SLC35F4: variants seen among roughly 807,000 people sequenced by gnomAD.
SLC35F4 encodes the protein chromosome 14 open reading frame 36.
In SLC35F4, 24 loss-of-function variants were observed where a neutral mutation model predicts 44.2. The ratio of observed to expected loss-of-function variants is 0.54; its 90% CI spans 0.39 to 0.76. SLC35F4 has a LOEUF of 0.76. SLC35F4 is among the 30% of genes least tolerant of loss of function. The probability of loss-of-function intolerance (pLI) is 0.00; values close to 1 mark genes in which losing one functional copy is unlikely to be tolerated. For synonymous variants in SLC35F4, 238 were observed against 223.6 expected (o/e 1.06, Z -0.57); for missense variants, 562 against 586.1 (o/e 0.96, Z 0.42).
intron 1 of SLC35F4, among the ~76,000 whole-genome samples, chr14:57,955,216 G>GA (rs1006547818): frequency 6.6e-6 from 1 of 152,124 alleles, no homozygotes; most frequent in Non-Finnish European, 1.5e-5. Flanking sequence ...AGTAGATGCA[G>GA]AAAAGGTCTT....
At chr14:57,820,924 A>AG (rs1883110553) in intron 1 of SLC35F4, among the ~76,000 whole-genome samples, 1 of 152,270 alleles carries the variant, frequency 6.6e-6, no homozygotes, top group South Asian at 2.1e-4. Context: ...TAACAAAAAG[A>AG]GAAAGCTTGC....
At chr14:57,656,011 T>A (rs1027762155) in intron 1 of SLC35F4, among the ~76,000 whole-genome samples, 1 of 151,894 alleles carries the variant, frequency 6.6e-6, no homozygotes, top group Non-Finnish European at 1.5e-5. Context: ...GCTGCCAGGA[T>A]CACAAGGCTG....
At chr14:57,634,948 G>A (rs941826960) in intron 1 of SLC35F4, among the ~76,000 whole-genome samples, 2 of 152,082 alleles carry the variant, frequency 1.3e-5, no homozygotes, top group East Asian at 1.9e-4. Flanking sequence ...GGTAGAAGAT[G>A]AGTGATCAAA....
chr14:57,752,889 A>G (rs2076917912), intron 1 of SLC35F4, among the ~76,000 whole-genome samples: 1 of 152,224 alleles, frequency 6.6e-6, no homozygotes, highest in African/African-American at 2.4e-5. Flanking sequence ...TTGCTACAGC[A>G]GAAGCAGGAG....
intron 1 of SLC35F4, among the ~76,000 whole-genome samples, chr14:57,966,965 G>A (rs984772709): frequency 6.6e-6 from 1 of 151,826 alleles, no homozygotes; most frequent in African/African-American, 2.4e-5. Context: ...AACTGAGATT[G>A]CGCCTCTGCG....
intron 1 of SLC35F4, among the ~76,000 whole-genome samples, chr14:57,620,631 C>T (rs1388796991): frequency 2.0e-5 from 3 of 152,112 alleles, no homozygotes; most frequent in Non-Finnish European, 4.4e-5. Flanking sequence ...CCAGTTTTTG[C>T]CCATTCAGTA....
intron 1 of SLC35F4, among the ~76,000 whole-genome samples, chr14:57,784,654 G>A (rs1360811990): frequency 3.3e-5 from 5 of 152,152 alleles, no homozygotes; most frequent in Non-Finnish European, 7.3e-5. Flanking sequence ...TCTAGCCTGG[G>A]TAACAGAGAC....
chr14:57,943,545 T>C (rs1254468720), intron 1 of SLC35F4, among the ~76,000 whole-genome samples: 1 of 152,202 alleles, frequency 6.6e-6, no homozygotes, highest in Non-Finnish European at 1.5e-5. Context: ...CTTAGCAAAG[T>C]ACAACGCACA....
At chr14:57,825,068 T>C (rs1883583173) in intron 1 of SLC35F4, among the ~76,000 whole-genome samples, 1 of 151,902 alleles carries the variant, frequency 6.6e-6, no homozygotes, top group Non-Finnish European at 1.5e-5. Flanking sequence ...AAAGGTCAGT[T>C]TGGAATATAT....
intron 1 of SLC35F4, among the ~76,000 whole-genome samples, chr14:57,921,706 G>A (rs1889446824): frequency 1.3e-5 from 2 of 152,072 alleles, no homozygotes; most frequent in Non-Finnish European, 2.9e-5. Context: ...CTTCATGTGG[G>A]TCTGTATCTC....
intron 1 of SLC35F4, among the ~76,000 whole-genome samples, chr14:57,778,847 T>C: frequency 6.6e-6 from 1 of 151,926 alleles, no homozygotes; most frequent in East Asian, 1.9e-4. Flanking sequence ...TACATGGAAA[T>C]TAAATAAACT....
upstream of SLC35F4, among the ~76,000 whole-genome samples, chr14:57,868,446 C>G (rs1888227776): frequency 6.6e-6 from 1 of 151,402 alleles, no homozygotes; most frequent in African/African-American, 2.4e-5. Context: ...ACGTTATTAA[C>G]AATTTACAGA....
chr14:57,909,246 G>A lies in SLC35F4; in HGVS notation n.282+72667C>T, dbSNP rs143083083. On this transcript the variant is annotated intron_variant and non_coding_transcript_variant, in intron 1 of 1. Coordinates refer to the SLC35F4 transcript ENST00000556568. ...ACTATCAGCACCCCACCCCATAGTG[G>A]TATATTTGTTATAATCAATGAACCT... Among the ~76,000 whole-genome samples the A allele has an allele frequency of 2.6e-3, 397 of 152,070 alleles. 1 individual carries two copies. Among genetic ancestry groups the A allele is most frequent in the Admixed American group, 1.0e-2 (152 of 15,260 alleles).
chr14:57,696,483 T>C (rs541296204), intron 1 of SLC35F4, among the ~76,000 whole-genome samples: 2 of 152,332 alleles, frequency 1.3e-5, no homozygotes, highest in South Asian at 4.1e-4. Flanking sequence ...TGTAAATTAG[T>C]TCAACCATTG....
chr14:57,586,717 C>CA (rs543963927), intron 3 of SLC35F4, among the ~76,000 whole-genome samples: 588 of 12,484 alleles, frequency 0.047, 183 homozygotes, highest in Non-Finnish European at 0.13. Context: ...GACTCTGTCT[C>CA]AAAAAAAAAA....
chr14:57,601,488 A>G lies in SLC35F4; in HGVS notation c.104-7364T>C, dbSNP rs148450113. Among the ~76,000 whole-genome samples the G allele has an allele frequency of 1.1e-3, 171 of 152,168 alleles. 1 individual carries two copies. The highest frequency in any genetic ancestry group is 3.7e-3 in the African/African-American group (155 of 41,522). Reference sequence around the variant, plus strand: ...CCCCTCCTCCCTCTAGTAGTCCCCAATGTCTATTGCTGCCATCTTTATGTC... The same window carrying G: ...CCCCTCCTCCCTCTAGTAGTCCCCAGTGTCTATTGCTGCCATCTTTATGTC... On this transcript the variant is annotated intron_variant, in intron 1 of 7. Coordinates refer to ENST00000556826, the MANE Select transcript of SLC35F4 (RefSeq NM_001306087.2).
At chr14:57,951,044 A>G (rs1890130995) in intron 1 of SLC35F4, among the ~76,000 whole-genome samples, 1 of 152,094 alleles carries the variant, frequency 6.6e-6, no homozygotes, top group African/African-American at 2.4e-5. Context: ...TCTAGTCTGC[A>G]GCTCCCAGAG....
chr14:57,969,495 C>T (rs539066286), intron 1 of SLC35F4, among the ~76,000 whole-genome samples: 13 of 152,156 alleles, frequency 8.5e-5, no homozygotes, highest in Non-Finnish European at 1.9e-4. Flanking sequence ...ACCTACATTC[C>T]TAATATAACA....
At chr14:57,865,611 C>T in intron 1 of SLC35F4, 112 bp downstream of exon 1, 3 of 815,188 alleles carry the variant, frequency 3.7e-6, no homozygotes, top group Non-Finnish European at 5.4e-6. Context: ...TGACAGCGTC[C>T]GCAGGGCTGC....
Sources: allele counts gnomAD v4.1 joint callset (sites outside exome capture counted in the v4.1 genomes callset), GRCh38; gene constraint gnomAD v4.1.1; transcripts MANE v1.5; gene names NCBI Gene and HGNC (gene_info 2026-07-23, HGNC 2026-07-21).